PDZD2: variants seen among roughly 807,000 people sequenced by gnomAD.
PDZD2 encodes the protein PDZ domain containing 2.
Under a neutral mutation model 220.7 loss-of-function variants are expected in PDZD2, and 90 were observed. The observed-to-expected ratio is 0.41, with a 90% CI of 0.34 to 0.49. The LOEUF (loss-of-function observed/expected upper bound fraction) is 0.49. Among genes scored for constraint, PDZD2 ranks in the 20% least tolerant of loss-of-function variants. The pLI, the probability that PDZD2 is intolerant of heterozygous loss-of-function variation, is 0.28. For synonymous variants in PDZD2, 1,375 were observed against 1,450.5 expected, an observed-to-expected ratio of 0.95 and a Z score of 1.18; for missense variants, 3,174 against 3,608.5, an observed-to-expected ratio of 0.88 and a Z score of 3.08.
intron 2 of PDZD2, among the ~76,000 whole-genome samples, chr5:31,858,405 A>G (rs1427517077): frequency 6.6e-6 from 1 of 152,228 alleles, no homozygotes; most frequent in Admixed American, 6.5e-5. Flanking sequence ...TATGATAGTG[A>G]AAGAGATGTG....
chr5:31,725,527 T>A, intron 1 of PDZD2: 1 of 1,347,974 alleles, frequency 7.4e-7, no homozygotes, highest in Non-Finnish European at 1.0e-6. Context: ...TGGTTTATAC[T>A]ACCAGGGGCC....
chr5:31,723,714 T>C (rs253920), intron 1 of PDZD2, among the ~76,000 whole-genome samples: 33,637 of 152,054 alleles, frequency 0.22, 4,082 homozygotes, highest in East Asian at 0.41. Flanking sequence ...GCCTCCCCAG[T>C]TCAAGTGATT....
At chr5:32,086,588 A>G (rs2112458026) in intron 19 of PDZD2, among the ~76,000 whole-genome samples, 1 of 152,228 alleles carries the variant, frequency 6.6e-6, no homozygotes, top group South Asian at 2.1e-4. Context: ...TATTTGTTAG[A>G]TGTGGGTACT....
At chr5:31,936,566 T>TA (rs11378684) in intron 2 of PDZD2, among the ~76,000 whole-genome samples, 25,824 of 145,024 alleles carry the variant, frequency 0.18, 2,569 homozygotes, top group South Asian at 0.26. Context: ...AGAGTTGCTT[T>TA]AAAAAAAAAA....
At chr5:31,749,960 G>T (rs1750847110) in intron 1 of PDZD2, among the ~76,000 whole-genome samples, 1 of 152,218 alleles carries the variant, frequency 6.6e-6, no homozygotes, top group African/African-American at 2.4e-5. Flanking sequence ...CTTTGGGCTT[G>T]CAGGGTCCTC....
intron 2 of PDZD2, among the ~76,000 whole-genome samples, chr5:31,945,519 C>A (rs1746556773): frequency 1.3e-5 from 2 of 152,082 alleles, no homozygotes; most frequent in Admixed American, 1.3e-4. Flanking sequence ...AAGGAATGTT[C>A]TAGGATTCTA....
At chr5:31,809,088 G>C (rs980903186) in intron 2 of PDZD2, among the ~76,000 whole-genome samples, 3 of 152,154 alleles carry the variant, frequency 2.0e-5, no homozygotes, top group Non-Finnish European at 2.9e-5. Flanking sequence ...TCTGAAAATG[G>C]ATAGTTACAT....
chr5:31,811,017 T>A (rs12109616), intron 2 of PDZD2, among the ~76,000 whole-genome samples: 10,676 of 152,236 alleles, frequency 0.07, 884 homozygotes, highest in African/African-American at 0.2. Flanking sequence ...AGTCTCGCTG[T>A]CGCCTAGGCT....
intron 2 of PDZD2, among the ~76,000 whole-genome samples, chr5:31,927,922 G>C (rs976482311): frequency 3.9e-5 from 6 of 152,024 alleles, no homozygotes; most frequent in African/African-American, 1.4e-4. Context: ...CATTTCACAG[G>C]GTGACTCATT....
In PDZD2 at chr5:31,986,376, C is replaced by T. The variant is rs993919754; in HGVS notation, c.978+2720C>T. 2.0e-5 allele frequency among the ~76,000 whole-genome samples: 3 copies of T among 152,144 alleles called. No homozygotes were observed. The East Asian group carries it at 5.8e-4, about 29-fold the overall frequency. ...TGTCTTGGTAAATCAGAATGGACCA[C>T]ACATTTTCTCAGCCTCGAATATTTT... On this transcript the variant is annotated intron_variant, in intron 3 of 24. Transcript: ENST00000438447.
intron 14 of PDZD2, among the ~76,000 whole-genome samples, chr5:32,067,299 T>C (rs1477756000): frequency 6.6e-6 from 1 of 152,174 alleles, no homozygotes; most frequent in Admixed American, 6.6e-5. Flanking sequence ...AAGAAAGTAA[T>C]AGAAGTCCAT....
intron 1 of PDZD2, among the ~76,000 whole-genome samples, chr5:31,692,269 G>A (rs1006936302): frequency 4.6e-5 from 7 of 152,192 alleles, no homozygotes; most frequent in African/African-American, 1.2e-4. Context: ...TGCGGGGTCC[G>A]CGGAGCCTAC....
At chr5:31,946,876 A>AT (rs895395392) in intron 2 of PDZD2, among the ~76,000 whole-genome samples, 5 of 152,082 alleles carry the variant, frequency 3.3e-5, no homozygotes, top group Admixed American at 1.3e-4. Flanking sequence ...TTTTAAAAAT[A>AT]TTTTTTGTAG....
At chr5:31,750,239 C>T (rs7714189) in intron 1 of PDZD2, among the ~76,000 whole-genome samples, 59,100 of 152,066 alleles carry the variant, frequency 0.39, 16,262 homozygotes, top group African/African-American at 0.79. Context: ...CACTCTTGTC[C>T]GACTTGATCT....
intron 1 of PDZD2, among the ~76,000 whole-genome samples, chr5:31,737,393 T>C (rs6891860): frequency 0.07 from 10,624 of 151,932 alleles, 474 homozygotes; most frequent in Middle Eastern, 0.2. Context: ...AGGATGGTCT[T>C]GATCTCCTGA....
intron 2 of PDZD2, among the ~76,000 whole-genome samples, chr5:31,976,151 G>A (rs1749749972): frequency 1.3e-5 from 2 of 152,172 alleles, no homozygotes; most frequent in Admixed American, 1.3e-4. Context: ...ACCTGAGAGA[G>A]AGTGCCCTTG....
At chr5:31,829,962 C>T (rs545905622) in intron 2 of PDZD2, among the ~76,000 whole-genome samples, 3 of 152,012 alleles carry the variant, frequency 2.0e-5, no homozygotes, top group African/African-American at 7.2e-5. Context: ...GCAAGAGGGT[C>T]GCTTGAACCT....
intron 6 of PDZD2, among the ~76,000 whole-genome samples, chr5:32,026,836 G>A (rs1754703539): frequency 6.6e-6 from 1 of 152,158 alleles, no homozygotes; most frequent in Admixed American, 6.5e-5. Flanking sequence ...TCTGTACTAA[G>A]GTTGAACACA....
At chr5:31,873,449 A>AG (rs911788666) in intron 2 of PDZD2, among the ~76,000 whole-genome samples, 26 of 151,504 alleles carry the variant, frequency 1.7e-4, no homozygotes, top group South Asian at 1.3e-3. Flanking sequence ...CAAAAGAAAA[A>AG]AAAAAAATTG....
Sources: gnomAD v4.1 joint callset for allele counts (sites outside exome capture counted in the v4.1 genomes callset) on GRCh38, gnomAD v4.1.1 for gene constraint, MANE v1.5 for transcripts, NCBI Gene and HGNC (gene_info 2026-07-23, HGNC 2026-07-21) for gene names.